Variants in PRTFDC1 observed in about 807,000 individuals in gnomAD.
PRTFDC1 encodes the protein phosphoribosyltransferase domain-containing protein 1.
Under a neutral mutation model 34.6 loss-of-function variants are expected in PRTFDC1, and 38 were observed. The observed-to-expected ratio is 1.10, with a 90% confidence interval of 0.85 to 1.44. The LOEUF is 1.44. Ranked by LOEUF, PRTFDC1 falls within the 40% of genes most tolerant of loss-of-function variation. The pLI, the probability that PRTFDC1 is intolerant of heterozygous loss-of-function variation, is 0.00. For synonymous variants in PRTFDC1, 93 were observed against 98.1 expected (o/e 0.95, Z 0.31); for missense variants, 270 against 283.0 (o/e 0.95, Z 0.33).
At chr10:24,895,645 G>A (rs1259108793) in intron 3 of PRTFDC1, among the ~76,000 whole-genome samples, 1 of 142,620 alleles carries the variant, frequency 7.0e-6, no homozygotes, top group Non-Finnish European at 1.5e-5. Flanking sequence ...TGGAACAGAA[G>A]AGAAAGAAAA....
At chr10:24,910,004 A>C (rs1287309254) in intron 3 of PRTFDC1, among the ~76,000 whole-genome samples, 1 of 151,660 alleles carries the variant, frequency 6.6e-6, no homozygotes, top group Non-Finnish European at 1.5e-5. Context: ...TACAAAAAAA[A>C]AAAAAAAATA....
chr10:24,950,109 G>A (rs1434475078), intron 1 of PRTFDC1, among the ~76,000 whole-genome samples: 11 of 152,072 alleles, frequency 7.2e-5, no homozygotes, highest in African/African-American at 2.2e-4. Context: ...GAGGACCTCT[G>A]TTGACACCAA....
At chr10:24,860,140 G>A (rs1325189325) in intron 4 of PRTFDC1, among the ~76,000 whole-genome samples, 1 of 152,128 alleles carries the variant, frequency 6.6e-6, no homozygotes, top group South Asian at 2.1e-4. Context: ...AGCACTTTAG[G>A]AGGCCGAGGT....
At chr10:24,869,854 T>C (rs1460830976) in intron 4 of PRTFDC1, among the ~76,000 whole-genome samples, 1 of 152,194 alleles carries the variant, frequency 6.6e-6, no homozygotes, top group Non-Finnish European at 1.5e-5. Flanking sequence ...TGGGCTTATT[T>C]ACCATTTCCC....
At chr10:24,864,536 G>A (rs1432219904) in intron 4 of PRTFDC1, among the ~76,000 whole-genome samples, 1 of 152,182 alleles carries the variant, frequency 6.6e-6, no homozygotes. Context: ...AAAAGATGAT[G>A]ACTCACTGAA....
intron 3 of PRTFDC1, among the ~76,000 whole-genome samples, chr10:24,894,780 G>T (rs976330461): frequency 1.3e-5 from 2 of 152,214 alleles, no homozygotes; most frequent in African/African-American, 4.8e-5. Flanking sequence ...TTTGGAGTTT[G>T]ACAACATGGG....
rs1285557826 is a variant in PRTFDC1 at position 24,952,522 on chromosome 10, A to C, written c.48+6T>G. On this transcript the variant is annotated splice_donor_region_variant and intron_variant, in intron 1 of 8. Transcript: ENST00000320152. This position sits in a 1 kb window ranked among gnomAD's most constrained non-coding sequence, Gnocchi z 5.1. The stretch of plus-strand genomic sequence containing the variant: ...CCGAGCCCCAAAATAGGGAGTTTGC[A>C]TTTACCACGACGCCTCGCCCGTAGT... 6.3e-7 allele frequency: 1 copy of C among 1,584,910 alleles called. No individual in the cohort carries two copies. The highest frequency in any genetic ancestry group is 8.6e-7 in the Non-Finnish European group (1 of 1,165,050).
At chr10:24,942,043 C>T (rs879463410) in intron 2 of PRTFDC1, among the ~76,000 whole-genome samples, 3 of 152,152 alleles carry the variant, frequency 2.0e-5, no homozygotes, top group Non-Finnish European at 2.9e-5. Context: ...TTCTTTGCCA[C>T]GGAAAAGCCA....
At chr10:24,876,012 C>T (rs897178733) in intron 3 of PRTFDC1, among the ~76,000 whole-genome samples, 3 of 152,152 alleles carry the variant, frequency 2.0e-5, no homozygotes, top group Admixed American at 6.5e-5. Context: ...TAAGCCACCA[C>T]GCCTGGACTT....
At chr10:24,900,319 G>A (rs975718013) in intron 3 of PRTFDC1, among the ~76,000 whole-genome samples, 40 of 152,342 alleles carry the variant, frequency 2.6e-4, no homozygotes, top group African/African-American at 9.1e-4. Flanking sequence ...TCTTAGCTCT[G>A]GGTGTGTAGC....
chr10:24,869,232 C>A (rs72780347), intron 4 of PRTFDC1, among the ~76,000 whole-genome samples: 19,394 of 150,966 alleles, frequency 0.13, 1,563 homozygotes, highest in Non-Finnish European at 0.18. Context: ...TTTTTTTTAA[C>A]CTTACTCATA....
rs143396278 is a variant in PRTFDC1 at position 24,871,898 on chromosome 10, C to T, written c.405+100G>A. On this transcript the variant is annotated intron_variant, in intron 4 of 8. Transcript: ENST00000320152. ...AGCCATTTGTATGAATTGGAAAACC[C>T]GGGAGCATGTCTGAAATGTCCTGTG... The T allele has an allele frequency of 5.0e-3, 4,987 of 989,958 alleles. 88 individuals carry two copies. The Middle Eastern group carries it at 0.055, about 11-fold the overall frequency. 61.3% of individuals were successfully genotyped at this position (989,958 alleles called of 1,614,324 possible).
chr10:24,935,261 C>G (rs1193412298), intron 3 of PRTFDC1, among the ~76,000 whole-genome samples: 1 of 151,824 alleles, frequency 6.6e-6, no homozygotes, highest in Non-Finnish European at 1.5e-5. Context: ...ATGCTGTTAA[C>G]CAGGGACAAA....
intron 3 of PRTFDC1, among the ~76,000 whole-genome samples, chr10:24,917,466 T>C (rs78510389): frequency 0.012 from 1,899 of 152,338 alleles, 44 homozygotes; most frequent in African/African-American, 0.043. Flanking sequence ...ACTTTAGAGA[T>C]ACCAAGATTT....
intron 7 of PRTFDC1, among the ~76,000 whole-genome samples, chr10:24,852,468 A>G (rs6482448): frequency 0.81 from 122,515 of 152,116 alleles, 49,501 homozygotes; most frequent in South Asian, 0.88. Flanking sequence ...TTGAGAAAGG[A>G]TCTCACTCTG....
chr10:24,921,734 T>C (rs1268864483), intron 3 of PRTFDC1, among the ~76,000 whole-genome samples: 1 of 147,232 alleles, frequency 6.8e-6, no homozygotes, highest in Non-Finnish European at 1.5e-5. Flanking sequence ...AAAAAAAAGC[T>C]AGGCAAACAA....
At chr10:24,894,253 C>T (rs1298410329) in intron 3 of PRTFDC1, among the ~76,000 whole-genome samples, 3 of 151,330 alleles carry the variant, frequency 2.0e-5, no homozygotes, top group African/African-American at 7.3e-5. Context: ...CTCGCTTGAA[C>T]CTGGGAACCA....
chr10:24,899,430 T>C (rs1848417310), intron 3 of PRTFDC1, among the ~76,000 whole-genome samples: 1 of 152,158 alleles, frequency 6.6e-6, no homozygotes, highest in African/African-American at 2.4e-5. Context: ...GGTTATACGC[T>C]TGGAGCTCTG....
At chr10:24,875,900 G>A (rs1847954754) in intron 3 of PRTFDC1, among the ~76,000 whole-genome samples, 1 of 141,012 alleles carries the variant, frequency 7.1e-6, no homozygotes, top group Non-Finnish European at 1.5e-5. Flanking sequence ...CTGTCATCCA[G>A]GCTGGAGCGC....
Sources: allele counts gnomAD v4.1 joint callset (sites outside exome capture counted in the v4.1 genomes callset), GRCh38; gene constraint gnomAD v4.1.1; non-coding constraint Gnocchi (gnomAD v3.1); transcripts MANE v1.5; gene names NCBI Gene and HGNC (gene_info 2026-07-23, HGNC 2026-07-21).